LGI2: variants seen among roughly 807,000 people sequenced by gnomAD.
The protein encoded by LGI2 is leucine-rich repeat LGI family member 2.
LGI2 carries 30 observed loss-of-function variants against 52.0 expected under a neutral mutation model. The ratio of observed to expected loss-of-function variants is 0.58; its 90% CI spans 0.43 to 0.78. The LOEUF (loss-of-function observed/expected upper bound fraction) is 0.78, where lower values mean the gene tolerates loss of function less well. Ranked by LOEUF, LGI2 falls within the 30% of genes least tolerant of loss-of-function variation. The pLI is 0.00. For missense variants in LGI2, 573 were observed against 692.5 expected (o/e 0.83, Z 1.94); for synonymous variants, 270 against 271.8 (o/e 0.99, Z 0.06).
chr4:25,001,944 T>C lies in LGI2; in HGVS notation c.*1507A>G, dbSNP rs563999131. 9.2e-5 allele frequency: 14 copies of C among 152,378 alleles called. No individual in the cohort carries two copies. In the East Asian group the frequency reaches 2.7e-3, roughly 29 times the overall value. 9.4% of individuals were successfully genotyped at this position (152,378 alleles called of 1,614,324 possible). ...CTACTTTCATGGCTAGGAATGAAGT[T>C]GTTGGGTTTCTCTTTCAGAGCTACC... On this transcript the variant is annotated 3_prime_UTR_variant, in exon 8 of 8. Coordinates refer to ENST00000382114, the MANE Select transcript of LGI2 (RefSeq NM_018176.4).
the LGI2 span, among the ~76,000 whole-genome samples, chr4:24,992,759 G>A: frequency 6.6e-5 from 10 of 151,830 alleles, no homozygotes; most frequent in Non-Finnish European, 1.2e-4. Flanking sequence ...TATGACCCAC[G>A]CAGCAAAATA....
In LGI2 at chr4:25,002,154, G is replaced by C. The variant is rs528943069; in HGVS notation, c.*1297C>G. 1.3e-5 allele frequency: 2 copies of C among 152,354 alleles called. No homozygotes were observed. Among genetic ancestry groups the C allele is most frequent in the African/African-American group, 4.8e-5 (2 of 41,574 alleles). The allele number at this position is 152,354 out of a possible 1,614,324, so 9.4% of individuals were successfully genotyped here. On this transcript the variant is annotated 3_prime_UTR_variant, in exon 8 of 8. Transcript: ENST00000382114. Reference sequence around the variant, plus strand: ...TGGAGTGTGGGATTCAGCTTGGCTGGCTCCAAAGCTGGCCCCTACTGATCA... The same window carrying C: ...TGGAGTGTGGGATTCAGCTTGGCTGCCTCCAAAGCTGGCCCCTACTGATCA...
chr4:25,003,983 T>C lies in LGI2; in HGVS notation c.1106A>G (p.Glu369Gly), dbSNP rs776192247. 2.5e-6 allele frequency: 4 copies of C among 1,614,166 alleles called. No homozygotes were observed. In the South Asian group the frequency reaches 4.4e-5, roughly 18 times the overall value. The change falls in exon 8 of 8, where the codon GAG (glutamate) becomes GGG (glycine). Residue 369 changes from glutamate (E) to glycine (G), a missense_variant. Physicochemically the swap from Glu to Gly is moderately conservative, Grantham distance 98 (BLOSUM62 -2). Transcript: ENST00000382114. Reference sequence around the variant, plus strand: ...CTCCGCATCCGTGTCCCTGAACCACTCGTGCAGTGACTGGTAAGAATAGAA... The same window carrying C: ...CTCCGCATCCGTGTCCCTGAACCACCCGTGCAGTGACTGGTAAGAATAGAA... ...KGFYSYQSLH[E>G]WFRDTDAEFV...
In LGI2 at chr4:25,003,721, G is replaced by A. The variant is rs1447370586; in HGVS notation, c.1368C>T (p.Ile456=). ...MRWNSKQFVE[I]QALPSRGAMT... is the part of the protein sequence containing the mutation. The stretch of plus-strand genomic sequence containing the variant: ...TGGCCCCCCGGGATGGAAGAGCTTG[G>A]ATCTCCACAAACTGCTTACTGTTCC... The change falls in exon 8 of 8, where the codon ATC becomes ATT. Residue 456 remains isoleucine (I), a synonymous_variant. Transcript: ENST00000382114. 6.2e-7 allele frequency: 1 copy of A among 1,614,076 alleles called. No individual in the cohort carries two copies. Among genetic ancestry groups the A allele is most frequent in the African/African-American group, 1.3e-5 (1 of 74,930 alleles).
intron 4 of LGI2, among the ~76,000 whole-genome samples, chr4:25,024,196 C>A (rs1411729241): frequency 1.3e-5 from 2 of 152,144 alleles, no homozygotes; most frequent in Non-Finnish European, 2.9e-5. Flanking sequence ...GTGCCTGGTG[C>A]CAAGCAGGTA....
chr4:25,003,801 T>G lies in LGI2; in HGVS notation c.1288A>C (p.Asn430His). ...VLAVKSFRMQNTLYLSLTRFI... is the reference protein window; with the variant it reads ...VLAVKSFRMQHTLYLSLTRFI... The stretch of plus-strand genomic sequence containing the variant: ...CGGGTAAGGGAAAGGTAGAGGGTAT[T>G]TTGCATTCGGAAGCTCTTCACAGCC... Residue 430 changes from asparagine to histidine, a missense_variant, in exon 8 of 8, where the codon AAT (asparagine) becomes CAT (histidine). Coordinates refer to ENST00000382114, the MANE Select transcript of LGI2 (RefSeq NM_018176.4). The G allele has an allele frequency of 6.2e-7, 1 of 1,614,124 alleles. No homozygotes were observed. Among genetic ancestry groups the G allele is most frequent in the Non-Finnish European group, 8.5e-7 (1 of 1,180,020 alleles).
downstream of LGI2, among the ~76,000 whole-genome samples, chr4:24,997,346 C>A (rs1054653200): frequency 6.6e-6 from 1 of 152,132 alleles, no homozygotes. Flanking sequence ...TTATATAGAG[C>A]ACTTTAGTTC....
At chr4:25,005,538 C>T (rs28499064) in intron 7 of LGI2, among the ~76,000 whole-genome samples, 21,027 of 150,102 alleles carry the variant, frequency 0.14, 2,109 homozygotes, top group East Asian at 0.36. Context: ...TAAATAGATA[C>T]AATTTTAATT....
In LGI2 at chr4:25,030,632, G is replaced by T. The variant is rs1726309029; in HGVS notation, c.62C>A (p.Ala21Glu). The T allele has an allele frequency of 6.5e-7, 1 of 1,548,452 alleles. No homozygotes were observed. Among genetic ancestry groups the T allele is most frequent in the Non-Finnish European group, 8.7e-7 (1 of 1,147,638 alleles). ...CTGCGCGCTCCGCGGTATCAGGCAC[G>T]CGGCGCCCAGCAGCAGCAGCAGCAG... ...LGLLLLLLGA[A>E]CLIPRSAQVR... The change falls in exon 1 of 8, where the codon GCG becomes GAG. Residue 21 changes from alanine (A) to glutamate (E), a missense_variant. Transcript: ENST00000382114.
chr4:24,997,129 AT>A (rs893543747), downstream of LGI2, among the ~76,000 whole-genome samples: 5 of 152,186 alleles, frequency 3.3e-5, no homozygotes, highest in African/African-American at 1.2e-4. Flanking sequence ...CAGAAAAAAA[AT>A]CATTTGTGCC....
chr4:25,003,399 C>T lies in LGI2; in HGVS notation c.*52G>A. The T allele has an allele frequency of 7.8e-7, 1 of 1,288,558 alleles. No individual in the cohort carries two copies. Among genetic ancestry groups the T allele is most frequent in the Non-Finnish European group, 1.1e-6 (1 of 935,110 alleles). 79.8% of individuals were successfully genotyped at this position (1,288,558 alleles called of 1,614,324 possible). On this transcript the variant is annotated 3_prime_UTR_variant, in exon 8 of 8. Coordinates refer to ENST00000382114, the MANE Select transcript of LGI2 (RefSeq NM_018176.4). Reference sequence around the variant, plus strand: ...ATTTGTTTGTTGATTTTTCTTGGTCCTCTTTTGTGAGAGCTAATGCTACAT... The same window carrying T: ...ATTTGTTTGTTGATTTTTCTTGGTCTTCTTTTGTGAGAGCTAATGCTACAT...
rs1158224038 is a variant in LGI2, at chr4:25,004,727, C to A, written c.821-459G>T. ...AGTGGGTTCTTGCCACATACCAAAT[C>A]TGCCAATGTCTTGATCTTGGACTTC... On this transcript the variant is annotated intron_variant, in intron 7 of 7. Coordinates refer to ENST00000382114, the MANE Select transcript of LGI2 (RefSeq NM_018176.4). The surrounding 1 kb of genome is among the most constrained non-coding windows in gnomAD (Gnocchi z 4.6). Among the ~76,000 whole-genome samples, 3 of 152,192 alleles carry A rather than the reference C, an allele frequency of 2.0e-5. No individual in the cohort carries two copies. The highest frequency in any genetic ancestry group is 4.4e-5 in the Non-Finnish European group (3 of 68,028).
downstream of LGI2, among the ~76,000 whole-genome samples, chr4:24,996,290 C>T (rs941525518): frequency 6.6e-6 from 1 of 152,170 alleles, no homozygotes; most frequent in Non-Finnish European, 1.5e-5. Flanking sequence ...TTCTTGAACG[C>T]TTTTGTATCT....
At chr4:25,013,582 T>G (rs1016639757) in intron 6 of LGI2, among the ~76,000 whole-genome samples, 4 of 152,186 alleles carry the variant, frequency 2.6e-5, no homozygotes, top group African/African-American at 9.6e-5. Context: ...AAGAAGCACT[T>G]TTAGTTACAT....
chr4:25,028,819 C>T (rs1419412185), intron 1 of LGI2, among the ~76,000 whole-genome samples: 3 of 152,196 alleles, frequency 2.0e-5, no homozygotes, highest in Non-Finnish European at 4.4e-5. Context: ...CAGCTCCTTC[C>T]ACAGACATTA....
At chr4:25,021,580 C>G (rs1725960034) in intron 4 of LGI2, among the ~76,000 whole-genome samples, 1 of 152,128 alleles carries the variant, frequency 6.6e-6, no homozygotes, top group African/African-American at 2.4e-5. Context: ...TCATTCTTTA[C>G]ACAGTATATT....
At position 24,999,825 on chromosome 4, in the gene LGI2, G is replaced by A. The variant is rs1254516125; in HGVS notation, c.*3626C>T. On this transcript the variant is annotated 3_prime_UTR_variant, in exon 8 of 8. Coordinates refer to ENST00000382114, the MANE Select transcript of LGI2 (RefSeq NM_018176.4). ...GCCATTTCCAGTGTGCTTCCTGAAG[G>A]CTGATGACGGCCGAGAGCAATTCAT... The A allele has an allele frequency of 1.1e-5, 5 of 456,080 alleles. No homozygotes were observed. Among genetic ancestry groups the A allele is most frequent in the Admixed American group, 2.3e-5 (1 of 42,558 alleles). 28.3% of individuals were successfully genotyped at this position (456,080 alleles called of 1,614,324 possible).
chr4:25,007,781 T>C (rs1725441129), intron 7 of LGI2, among the ~76,000 whole-genome samples: 1 of 152,218 alleles, frequency 6.6e-6, no homozygotes, highest in South Asian at 2.1e-4. Flanking sequence ...CTCTCTCCCC[T>C]GGTGCACATG....
intron 7 of LGI2, 148 bp downstream of exon 7, chr4:25,012,187 G>T: frequency 1.2e-6 from 1 of 801,508 alleles, no homozygotes; most frequent in Non-Finnish European, 2.0e-6. Flanking sequence ...AAACTGGAGA[G>T]ACCCAGAGGG....
Sources: allele counts gnomAD v4.1 joint callset (sites outside exome capture counted in the v4.1 genomes callset), GRCh38; gene constraint gnomAD v4.1.1; non-coding constraint Gnocchi (gnomAD v3.1); transcripts MANE v1.5; gene names NCBI Gene and HGNC (gene_info 2026-07-23, HGNC 2026-07-21).